ELAVL2: variants seen among roughly 807,000 people sequenced by gnomAD.
ELAVL2 encodes the protein ELAV like RNA binding protein 2.
A neutral mutation model predicts 34.6 loss-of-function variants in ELAVL2; 4 were observed. That is an observed-to-expected ratio of 0.12 (90% CI 0.06 to 0.26). The LOEUF is 0.26. Ranked by LOEUF, ELAVL2 falls within the 10% of genes least tolerant of loss-of-function variation. The pLI, the probability that ELAVL2 is intolerant of heterozygous loss-of-function variation, is 1.00. For missense variants in ELAVL2, 432 were observed against 442.8 expected, an observed-to-expected ratio of 0.98 and a Z score of 0.22; for synonymous variants, 193 against 154.8, an observed-to-expected ratio of 1.25 and a Z score of -1.83.
chr9:23,724,370 G>C (rs1587733310), intron 3 of ELAVL2, among the ~76,000 whole-genome samples: 2 of 152,124 alleles, frequency 1.3e-5, no homozygotes, highest in South Asian at 2.1e-4. Flanking sequence ...ATTGCCCTTT[G>C]AGAATTCCAA....
chr9:23,836,737 T>G, the ELAVL2 span, among the ~76,000 whole-genome samples: 1 of 152,004 alleles, frequency 6.6e-6, no homozygotes, highest in Non-Finnish European at 1.5e-5. Flanking sequence ...TACAGGAATT[T>G]GTTGGAGTAT....
intron 1 of ELAVL2, among the ~76,000 whole-genome samples, chr9:23,794,106 G>A (rs1218233416): frequency 2.6e-5 from 4 of 152,224 alleles, no homozygotes; most frequent in African/African-American, 9.6e-5. Context: ...GGGCACTGCA[G>A]TCAGCAGCAC....
At chr9:23,759,754 T>TCATATATATATA (rs1554719969) in intron 2 of ELAVL2, among the ~76,000 whole-genome samples, 1 of 81,344 alleles carries the variant, frequency 1.2e-5, no homozygotes, top group African/African-American at 4.3e-5. Context: ...ATATATAGTA[T>TCATATATATATA]TATATATATA....
chr9:23,756,776 G>A (rs1010768745), intron 2 of ELAVL2, among the ~76,000 whole-genome samples: 2 of 152,096 alleles, frequency 1.3e-5, no homozygotes, highest in East Asian at 1.9e-4. Flanking sequence ...CCTAAATCTA[G>A]AATTCAGGTA....
chr9:23,737,675 A>G (rs538522657), intron 2 of ELAVL2, among the ~76,000 whole-genome samples: 1 of 152,350 alleles, frequency 6.6e-6, no homozygotes, highest in Admixed American at 6.5e-5. Flanking sequence ...ATAAAAGGTG[A>G]CTACACTGAT....
At chr9:23,736,772 G>A (rs2048000104) in intron 2 of ELAVL2, among the ~76,000 whole-genome samples, 2 of 152,108 alleles carry the variant, frequency 1.3e-5, no homozygotes, top group Admixed American at 1.3e-4. Flanking sequence ...TCCAAAAACA[G>A]CCATCCTCCA....
In ELAVL2 at chr9:23,692,893, C is replaced by T. The variant is rs755454706; in HGVS notation, c.753-9G>A. 11 of 1,612,064 alleles carry T rather than the reference C, an allele frequency of 6.8e-6. No individual in the cohort carries two copies. The highest frequency in any genetic ancestry group is 9.3e-6 in the Non-Finnish European group (11 of 1,178,636). ...TGGTCATTGGAGAAAACCTGCTAAACAGAATAGGAAATACACACATACACA... is the reference window on the plus strand; with the variant it reads ...TGGTCATTGGAGAAAACCTGCTAAATAGAATAGGAAATACACACATACACA... On this transcript the variant is annotated splice_polypyrimidine_tract_variant and intron_variant, in intron 6 of 6. Coordinates refer to ENST00000397312, the MANE Select transcript of ELAVL2 (RefSeq NM_004432.5).
chr9:23,730,561 A>G (rs570538917), intron 3 of ELAVL2, among the ~76,000 whole-genome samples: 2 of 152,288 alleles, frequency 1.3e-5, no homozygotes, highest in South Asian at 2.1e-4. Flanking sequence ...GCCCATAAAT[A>G]AAGTTTTATT....
intron 1 of ELAVL2, among the ~76,000 whole-genome samples, chr9:23,786,781 CAAAA>C (rs57292061): frequency 0.18 from 19,616 of 108,110 alleles, 1,838 homozygotes; most frequent in East Asian, 0.33. Flanking sequence ...ATTTTAGTGG[CAAAA>C]AAAAAAAAAA....
chr9:23,835,931 T>A, the ELAVL2 span, among the ~76,000 whole-genome samples: 1 of 152,302 alleles, frequency 6.6e-6, no homozygotes, highest in South Asian at 2.1e-4. Context: ...TTTGATAAAA[T>A]TGACCCACTC....
chr9:23,784,366 G>A (rs1251872364), intron 1 of ELAVL2, among the ~76,000 whole-genome samples: 1 of 152,092 alleles, frequency 6.6e-6, no homozygotes, highest in Admixed American at 6.5e-5. Flanking sequence ...AATAAAACTG[G>A]GACAGTGATC....
At chr9:23,741,123 T>C (rs1377611572) in intron 2 of ELAVL2, among the ~76,000 whole-genome samples, 1 of 152,168 alleles carries the variant, frequency 6.6e-6, no homozygotes, top group South Asian at 2.1e-4. Context: ...AACTCTTTAG[T>C]GTGTCAAAAC....
At position 23,818,929 on chromosome 9, in the gene ELAVL2, G is replaced by GA. The variant is rs1371856183; in HGVS notation, c.-16+6876dup. Among the ~76,000 whole-genome samples, 5 of 152,300 alleles carry GA rather than the reference G, an allele frequency of 3.3e-5. No individual in the cohort carries two copies. In the East Asian group the frequency reaches 7.7e-4, roughly 24 times the overall value. Reference sequence around the variant, plus strand: ...CTCTTGTGCAATGCCAATAATGCCTGAAAAGCGTCACAGGTTTTTTAAAAA... The same window carrying GA: ...CTCTTGTGCAATGCCAATAATGCCTGAAAAAGCGTCACAGGTTTTTTAAAAA... On this transcript the variant is annotated intron_variant, in intron 1 of 6. Transcript: ENST00000397312.
chr9:23,782,501 G>A (rs1047968807), intron 1 of ELAVL2, among the ~76,000 whole-genome samples: 10 of 152,160 alleles, frequency 6.6e-5, no homozygotes, highest in African/African-American at 9.7e-5. Context: ...GAATCTGGGA[G>A]GCAGAGGTTG....
At chr9:23,783,178 C>A (rs546260756) in intron 1 of ELAVL2, among the ~76,000 whole-genome samples, 1 of 152,284 alleles carries the variant, frequency 6.6e-6, no homozygotes, top group South Asian at 2.1e-4. Context: ...GGCGTGAAGT[C>A]ATCATACTTC....
chr9:23,759,763 T>C (rs1330595152), intron 2 of ELAVL2, among the ~76,000 whole-genome samples: 1 of 110,804 alleles, frequency 9.0e-6, no homozygotes, highest in East Asian at 3.5e-4. Flanking sequence ...ATTATATATA[T>C]ATATATATAT....
At chr9:23,802,518 G>C (rs1462790969) in intron 1 of ELAVL2, among the ~76,000 whole-genome samples, 1 of 152,098 alleles carries the variant, frequency 6.6e-6, no homozygotes, top group Non-Finnish European at 1.5e-5. Context: ...CTAGAAAGAT[G>C]ACTGCCCACT....
rs1212354432 is a variant in ELAVL2, at chr9:23,707,251, A to G, written c.334-2180T>C. On this transcript the variant is annotated intron_variant, in intron 3 of 6. Transcript: ENST00000397312. ...TGCTATAAACTGATGAAACAAGGCC[A>G]ATGAATTATATATGCATTCAGTAAT... Among the ~76,000 whole-genome samples, 4 of 152,232 alleles carry G rather than the reference A, an allele frequency of 2.6e-5. No homozygotes were observed. The East Asian group carries it at 7.7e-4, about 29-fold the overall frequency.
chr9:23,811,615 T>C (rs1328218987), intron 1 of ELAVL2, among the ~76,000 whole-genome samples: 2 of 152,234 alleles, frequency 1.3e-5, no homozygotes, highest in Non-Finnish European at 1.5e-5. Context: ...TATTTTGACT[T>C]TTTCCTAGGT....
Sources: gnomAD v4.1 joint callset for allele counts (sites outside exome capture counted in the v4.1 genomes callset) on GRCh38, gnomAD v4.1.1 for gene constraint, MANE v1.5 for transcripts, NCBI Gene and HGNC (gene_info 2026-07-23, HGNC 2026-07-21) for gene names.